Variants in UBE2D2 observed in about 807,000 individuals in gnomAD.
UBE2D2 encodes the protein ubiquitin-conjugating enzyme E2 D2.
Under a neutral mutation model 24.2 loss-of-function variants are expected in UBE2D2, and 2 were observed. That is an observed-to-expected ratio of 0.08 (90% CI 0.03 to 0.26). UBE2D2 has a LOEUF of 0.26. Ranked by LOEUF, UBE2D2 falls within the 10% of genes least tolerant of loss-of-function variation. The pLI is 1.00. For missense variants in UBE2D2, 44 were observed against 177.6 expected, an observed-to-expected ratio of 0.25 and a Z score of 4.28; for synonymous variants, 58 against 56.5, an observed-to-expected ratio of 1.03 and a Z score of -0.12.
At chr5:139,587,018 G>A (rs1484793468) in intron 1 of UBE2D2, among the ~76,000 whole-genome samples, 1 of 152,156 alleles carries the variant, frequency 6.6e-6, no homozygotes, top group African/African-American at 2.4e-5. Flanking sequence ...TCAAGATGGT[G>A]GTGGGCCACT....
chr5:139,527,234 G>A (rs943641441), intron 1 of UBE2D2, among the ~76,000 whole-genome samples: 2 of 152,076 alleles, frequency 1.3e-5, no homozygotes, highest in Non-Finnish European at 2.9e-5. Context: ...GTAAGCCAAA[G>A]CACCCGGACC....
rs147390321 is a variant in UBE2D2 at position 139,584,396 on chromosome 5, G to A, written c.25-15976G>A. 5.9e-5 allele frequency among the ~76,000 whole-genome samples: 9 copies of A among 151,956 alleles called. No individual in the cohort carries two copies. In the East Asian group the frequency reaches 9.7e-4, roughly 16 times the overall value. On this transcript the variant is annotated intron_variant, in intron 1 of 6. Coordinates refer to ENST00000398733, the MANE Select transcript of UBE2D2 (RefSeq NM_003339.3). ...ACATTTCTCAGAATGTATGCCTTTC[G>A]TTAAGTTTAGCATGACTATATTCTC...
chr5:139,575,968 A>G (rs752215352), intron 1 of UBE2D2, among the ~76,000 whole-genome samples: 2 of 152,198 alleles, frequency 1.3e-5, no homozygotes, highest in Non-Finnish European at 2.9e-5. Flanking sequence ...GGCGGCAGTG[A>G]GCTATAATCT....
chr5:139,591,262 A>T (rs1291580502), intron 1 of UBE2D2, among the ~76,000 whole-genome samples: 4 of 150,594 alleles, frequency 2.7e-5, no homozygotes. Flanking sequence ...CTGGTATTAC[A>T]GGCATGCACC....
intron 1 of UBE2D2, among the ~76,000 whole-genome samples, chr5:139,586,793 T>C (rs557780808): frequency 2.2e-4 from 34 of 152,276 alleles, no homozygotes; most frequent in African/African-American, 8.2e-4. Context: ...CTTTAAAATG[T>C]CTATAGTTTT....
chr5:139,548,571 G>A (rs973920106), intron 1 of UBE2D2, among the ~76,000 whole-genome samples: 2 of 152,110 alleles, frequency 1.3e-5, no homozygotes, highest in African/African-American at 2.4e-5. Context: ...GGTTGGCTAG[G>A]AGCAGTCTTT....
chr5:139,625,433 C>A (rs925480262), intron 6 of UBE2D2, among the ~76,000 whole-genome samples: 5 of 30,068 alleles, frequency 1.7e-4, no homozygotes, highest in South Asian at 2.1e-3. Flanking sequence ...CACCCCCACC[C>A]CCCCCCCTTT....
chr5:139,607,088 GC>G lies in UBE2D2; in HGVS notation c.88+6655del, dbSNP rs1467210366. 2.0e-5 allele frequency among the ~76,000 whole-genome samples: 3 copies of G among 152,350 alleles called. No individual in the cohort carries two copies. The East Asian group carries it at 5.8e-4, about 29-fold the overall frequency. On this transcript the variant is annotated intron_variant, in intron 2 of 6. Coordinates refer to ENST00000398733, the MANE Select transcript of UBE2D2 (RefSeq NM_003339.3). ...CAAAGTGCTGGGATTACAGGCGTGA[GC>G]CACCACGCCTAGCCTACTTGAGCTA... is the stretch of plus-strand genomic sequence containing the variant.
chr5:139,589,958 G>T (rs1447493691), intron 1 of UBE2D2, among the ~76,000 whole-genome samples: 1 of 151,984 alleles, frequency 6.6e-6, no homozygotes, highest in Non-Finnish European at 1.5e-5. Context: ...CTAATTTTTT[G>T]TGTTTTTAGT....
intron 1 of UBE2D2, among the ~76,000 whole-genome samples, chr5:139,544,305 T>TA (rs1489168201): frequency 6.6e-6 from 1 of 150,944 alleles, no homozygotes; most frequent in Non-Finnish European, 1.5e-5. Flanking sequence ...TTTTTTTTTT[T>TA]AGACAGAGTT....
intron 5 of UBE2D2, among the ~76,000 whole-genome samples, chr5:139,617,852 A>G (rs1754447219): frequency 1.3e-5 from 2 of 152,288 alleles, no homozygotes; most frequent in Non-Finnish European, 2.9e-5. Flanking sequence ...CAGACAGTTA[A>G]CTGGTTCCTT....
intron 1 of UBE2D2, among the ~76,000 whole-genome samples, chr5:139,569,512 C>T (rs963664248): frequency 6.6e-6 from 1 of 152,204 alleles, no homozygotes; most frequent in Admixed American, 6.5e-5. Flanking sequence ...TTTGCAGCCT[C>T]ATCCCAGAAA....
intron 1 of UBE2D2, among the ~76,000 whole-genome samples, chr5:139,532,039 G>A (rs1377565837): frequency 6.6e-6 from 1 of 151,954 alleles, no homozygotes; most frequent in Non-Finnish European, 1.5e-5. Context: ...ATGTTTTGGG[G>A]GTGTGAGGAA....
intron 5 of UBE2D2, among the ~76,000 whole-genome samples, chr5:139,617,424 T>A (rs1205576366): frequency 6.9e-6 from 1 of 144,772 alleles, no homozygotes; most frequent in African/African-American, 2.6e-5. Context: ...TTGCCCAGGC[T>A]GGAGTGCAAT....
chr5:139,597,933 G>T (rs574365629), intron 1 of UBE2D2, among the ~76,000 whole-genome samples: 2 of 151,948 alleles, frequency 1.3e-5, no homozygotes, highest in Non-Finnish European at 2.9e-5. Context: ...ACGAAGTCTC[G>T]CTCTGTCGCC....
intron 1 of UBE2D2, among the ~76,000 whole-genome samples, chr5:139,597,111 T>C (rs1215338828): frequency 6.6e-6 from 1 of 151,888 alleles, no homozygotes; most frequent in Non-Finnish European, 1.5e-5. Context: ...TAACATTTAG[T>C]GTACAATTTG....
intron 1 of UBE2D2, among the ~76,000 whole-genome samples, chr5:139,534,514 C>G (rs370306246): frequency 2.5e-4 from 37 of 148,694 alleles, no homozygotes; most frequent in African/African-American, 8.2e-4. Context: ...TGCAGTGAGC[C>G]GAGATCGCGC....
intron 1 of UBE2D2, among the ~76,000 whole-genome samples, chr5:139,570,678 A>G (rs1374221994): frequency 6.6e-6 from 1 of 151,922 alleles, no homozygotes; most frequent in African/African-American, 2.4e-5. Context: ...TGCCCAGCTA[A>G]TTTTTTGTAT....
intron 1 of UBE2D2, among the ~76,000 whole-genome samples, chr5:139,567,650 C>G (rs948252374): frequency 6.6e-6 from 1 of 151,144 alleles, no homozygotes; most frequent in African/African-American, 2.4e-5. Context: ...TCTCCTGCCT[C>G]AGTCTCCCGA....
Sources: gnomAD v4.1 joint callset for allele counts (sites outside exome capture counted in the v4.1 genomes callset) on GRCh38, gnomAD v4.1.1 for gene constraint, MANE v1.5 for transcripts, NCBI Gene and HGNC (gene_info 2026-07-23, HGNC 2026-07-21) for gene names.